KHDRBS3: variants seen among roughly 807,000 people sequenced by gnomAD.
The protein encoded by KHDRBS3 is KH domain-containing, RNA-binding, signal transduction-associated protein 3.
In KHDRBS3, 23 loss-of-function variants were observed where a neutral mutation model predicts 45.6. The observed-to-expected ratio is 0.50, with a 90% CI of 0.36 to 0.72. The LOEUF is 0.72. Ranked by LOEUF, KHDRBS3 falls within the 30% of genes least tolerant of loss-of-function variation. The probability of loss-of-function intolerance (pLI) is 0.00; values close to 1 mark genes in which losing one functional copy is unlikely to be tolerated. For missense variants in KHDRBS3, 352 were observed against 424.8 expected (o/e 0.83, Z 1.51); for synonymous variants, 162 against 156.5 (o/e 1.04, Z -0.26).
chr8:135,583,416 C>T (rs1161462206), intron 6 of KHDRBS3, among the ~76,000 whole-genome samples: 1 of 152,190 alleles, frequency 6.6e-6, no homozygotes, highest in African/African-American at 2.4e-5. Context: ...CTCAGCTCTT[C>T]CATAAATGCT....
At chr8:135,588,175 A>G (rs1007932771) in intron 6 of KHDRBS3, among the ~76,000 whole-genome samples, 2 of 152,204 alleles carry the variant, frequency 1.3e-5, no homozygotes, top group African/African-American at 4.8e-5. Flanking sequence ...TTGGATGGAA[A>G]TTGGAAATTC....
intron 7 of KHDRBS3, among the ~76,000 whole-genome samples, chr8:135,632,235 C>G (rs545887742): frequency 6.6e-6 from 1 of 152,314 alleles, no homozygotes; most frequent in African/African-American, 2.4e-5. Flanking sequence ...CCTCTGAGCA[C>G]CTTTGCCACA....
intron 4 of KHDRBS3, among the ~76,000 whole-genome samples, chr8:135,550,609 T>C (rs958655696): frequency 5.3e-5 from 8 of 152,206 alleles, no homozygotes; most frequent in Non-Finnish European, 5.9e-5. Flanking sequence ...GCCAGTAGCA[T>C]GCTCTTAATT....
chr8:135,469,259 C>T (rs1251380179), intron 1 of KHDRBS3, among the ~76,000 whole-genome samples: 2 of 152,256 alleles, frequency 1.3e-5, no homozygotes, highest in African/African-American at 4.8e-5. Flanking sequence ...TGATCCCATT[C>T]TCAGAGAAGA....
At chr8:135,540,471 T>C (rs1825989623) in intron 2 of KHDRBS3, 1 of 152,248 alleles carries the variant, frequency 6.6e-6, no homozygotes, top group Admixed American at 6.5e-5. Flanking sequence ...AAACCAGGCA[T>C]CTGCCCCTCC....
rs186085007 is a variant in KHDRBS3, at chr8:135,468,143, G to A, written c.88+10189G>A. On this transcript the variant is annotated intron_variant, in intron 1 of 8. Transcript: ENST00000355849. Reference sequence around the variant, plus strand: ...CTTTACTATCACCGTGTAAATTGAAGCTCACATTGTTTAAGATTTGGCCAT... The same window carrying A: ...CTTTACTATCACCGTGTAAATTGAAACTCACATTGTTTAAGATTTGGCCAT... 3.3e-5 allele frequency among the ~76,000 whole-genome samples: 5 copies of A among 152,184 alleles called. No homozygotes were observed. The East Asian group carries it at 7.7e-4, about 24-fold the overall frequency.
intron 7 of KHDRBS3, among the ~76,000 whole-genome samples, chr8:135,633,753 A>G (rs1305564619): frequency 2.6e-5 from 4 of 152,214 alleles, no homozygotes; most frequent in Admixed American, 6.5e-5. Flanking sequence ...TCACAGCAAC[A>G]TTGAGAGGAA....
In KHDRBS3 at chr8:135,578,472, G is replaced by GA. The variant is rs111538212; in HGVS notation, c.612-3398dup. Among the ~76,000 whole-genome samples, 209 of 149,756 alleles carry GA rather than the reference G, an allele frequency of 1.4e-3. 1 individual carries two copies. Among genetic ancestry groups the GA allele is most frequent in the African/African-American group, 4.3e-3 (177 of 40,742 alleles). On this transcript the variant is annotated intron_variant, in intron 5 of 8. Coordinates refer to ENST00000355849, the MANE Select transcript of KHDRBS3 (RefSeq NM_006558.3). ...TTCACTTGTTCCTATACCATTTGTTGAAAAAAAACATTATTTTCCATTGAA... is the reference window on the plus strand; with the variant it reads ...TTCACTTGTTCCTATACCATTTGTTGAAAAAAAAACATTATTTTCCATTGAA...
intron 4 of KHDRBS3, among the ~76,000 whole-genome samples, chr8:135,550,639 C>A (rs76614652): frequency 0.047 from 7,104 of 152,126 alleles, 268 homozygotes; most frequent in East Asian, 0.18. Flanking sequence ...TTAAGTAAAT[C>A]TGGAAATCTA....
chr8:135,614,233 A>G (rs1373002843), intron 7 of KHDRBS3, among the ~76,000 whole-genome samples: 2 of 151,872 alleles, frequency 1.3e-5, no homozygotes, highest in African/African-American at 4.9e-5. Flanking sequence ...GATGTTGATT[A>G]CTTCCTGTGG....
At chr8:135,643,028 C>T (rs1248020769) in intron 7 of KHDRBS3, among the ~76,000 whole-genome samples, 9 of 152,024 alleles carry the variant, frequency 5.9e-5, no homozygotes, top group Admixed American at 4.6e-4. Flanking sequence ...CTTCTGACCT[C>T]GTGATCCGCC....
intron 5 of KHDRBS3, among the ~76,000 whole-genome samples, chr8:135,564,158 C>CT (rs1563771540): frequency 6.6e-6 from 1 of 152,078 alleles, no homozygotes; most frequent in Non-Finnish European, 1.5e-5. Flanking sequence ...TAAGATAATC[C>CT]TTTATAGTTT....
At chr8:135,477,492 T>A (rs1051190649) in intron 1 of KHDRBS3, among the ~76,000 whole-genome samples, 1 of 152,226 alleles carries the variant, frequency 6.6e-6, no homozygotes, top group Non-Finnish European at 1.5e-5. Context: ...AACACAAATA[T>A]ACATATTTAA....
chr8:135,639,896 G>T (rs772911831), intron 7 of KHDRBS3, among the ~76,000 whole-genome samples: 6 of 152,146 alleles, frequency 3.9e-5, no homozygotes, highest in Non-Finnish European at 8.8e-5. Flanking sequence ...CCTCCAACAC[G>T]GGGGATTGCA....
intron 6 of KHDRBS3, among the ~76,000 whole-genome samples, chr8:135,588,276 G>A (rs1024932500): frequency 3.3e-5 from 5 of 152,166 alleles, no homozygotes; most frequent in Non-Finnish European, 5.9e-5. Flanking sequence ...TGTTATGAAA[G>A]GATACAGGTC....
chr8:135,582,796 A>G (rs571433958), intron 6 of KHDRBS3, among the ~76,000 whole-genome samples: 10 of 152,222 alleles, frequency 6.6e-5, no homozygotes, highest in Non-Finnish European at 1.0e-4. Flanking sequence ...AAATGCAAGT[A>G]TCAGTAGGTT....
At chr8:135,471,943 A>G (rs1009493195) in intron 1 of KHDRBS3, among the ~76,000 whole-genome samples, 4 of 152,222 alleles carry the variant, frequency 2.6e-5, no homozygotes, top group African/African-American at 9.6e-5. Context: ...CAAGCAGGGA[A>G]TCTGACTCAT....
chr8:135,638,072 A>G (rs553229449), intron 7 of KHDRBS3, among the ~76,000 whole-genome samples: 44 of 152,296 alleles, frequency 2.9e-4, no homozygotes, highest in South Asian at 4.2e-4. Flanking sequence ...AACCCCATTC[A>G]AGAGAAGGGT....
downstream of KHDRBS3, among the ~76,000 whole-genome samples, chr8:135,650,874 T>TTAA (rs1831414929): frequency 6.6e-6 from 1 of 152,186 alleles, no homozygotes; most frequent in Non-Finnish European, 1.5e-5. Flanking sequence ...CTTCTTATAC[T>TTAA]CAGGTATTCC....
Sources: gnomAD v4.1 joint callset for allele counts (sites outside exome capture counted in the v4.1 genomes callset) on GRCh38, gnomAD v4.1.1 for gene constraint, MANE v1.5 for transcripts, NCBI Gene and HGNC (gene_info 2026-07-23, HGNC 2026-07-21) for gene names.